Variants in CDIN1 observed in about 807,000 individuals in gnomAD.
CDIN1 encodes the protein CDAN1-interacting nuclease 1.
In CDIN1, 33 loss-of-function variants were observed where a neutral mutation model predicts 45.3. That is an observed-to-expected ratio of 0.73 (90% CI 0.55 to 0.97). The LOEUF (loss-of-function observed/expected upper bound fraction) is 0.97. CDIN1 is among the 50% of genes least tolerant of loss of function. CDIN1 has a pLI of 0.00. For synonymous variants in CDIN1, 118 were observed against 124.4 expected, an observed-to-expected ratio of 0.95 and a Z score of 0.34; for missense variants, 303 against 339.4, an observed-to-expected ratio of 0.89 and a Z score of 0.84.
chr15:36,715,714 T>C (rs746311807), intron 10 of CDIN1, among the ~76,000 whole-genome samples: 14 of 152,176 alleles, frequency 9.2e-5, no homozygotes, highest in Non-Finnish European at 1.8e-4. Context: ...GGGTAAAATA[T>C]GATTTGCTTT....
chr15:36,774,936 C>T (rs761711876), intron 10 of CDIN1, among the ~76,000 whole-genome samples: 3 of 152,114 alleles, frequency 2.0e-5, no homozygotes, highest in Non-Finnish European at 4.4e-5. Flanking sequence ...TGCTGAATTA[C>T]CTCAGGAATA....
At chr15:36,608,991 A>G (rs1354471278) in intron 1 of CDIN1, among the ~76,000 whole-genome samples, 2 of 149,470 alleles carry the variant, frequency 1.3e-5, no homozygotes, top group Non-Finnish European at 2.9e-5. Flanking sequence ...ATAGATAGAT[A>G]GATAGATAGA....
chr15:36,631,687 G>A (rs2039685430), intron 1 of CDIN1, among the ~76,000 whole-genome samples: 1 of 152,028 alleles, frequency 6.6e-6, no homozygotes, highest in East Asian at 1.9e-4. Flanking sequence ...CTACCTTTTA[G>A]CTATTATGTA....
At chr15:36,774,581 C>A (rs907229372) in intron 10 of CDIN1, among the ~76,000 whole-genome samples, 1 of 151,788 alleles carries the variant, frequency 6.6e-6, no homozygotes, top group African/African-American at 2.4e-5. Flanking sequence ...AAAGAAAATC[C>A]CAATGTGCTG....
At chr15:36,806,128 C>A (rs1318006145) in intron 10 of CDIN1, among the ~76,000 whole-genome samples, 1 of 152,168 alleles carries the variant, frequency 6.6e-6, no homozygotes, top group African/African-American at 2.4e-5. Flanking sequence ...TTTAGGGAAT[C>A]CTGGTTGTGA....
intron 3 of CDIN1, among the ~76,000 whole-genome samples, chr15:36,648,143 T>C (rs1220551271): frequency 1.3e-5 from 2 of 152,088 alleles, no homozygotes; most frequent in African/African-American, 4.8e-5. Context: ...CCGGCTGTGA[T>C]AGTATTAAAA....
At chr15:36,783,457 T>TA (rs772452405) in intron 10 of CDIN1, among the ~76,000 whole-genome samples, 16 of 151,178 alleles carry the variant, frequency 1.1e-4, no homozygotes, top group Non-Finnish European at 1.5e-4. Flanking sequence ...ATATGCCCAA[T>TA]ATTTAAGCAT....
Position 36,779,250 on chromosome 15 carries a change from T to C in CDIN1, c.717-29074T>C, listed in dbSNP as rs1158678979. ...ATCTATTCGCTATATAATTTTTAGA[T>C]GCACCTCCAGCCTTACTCCTCCTTC... On this transcript the variant is annotated intron_variant, in intron 10 of 10. Coordinates refer to ENST00000566621, the MANE Select transcript of CDIN1 (RefSeq NM_001321759.2). 3.3e-5 allele frequency among the ~76,000 whole-genome samples: 5 copies of C among 152,208 alleles called. No individual in the cohort carries two copies. In the East Asian group the frequency reaches 9.6e-4, roughly 29 times the overall value.
At chr15:36,764,506 A>C (rs1026280948) in intron 10 of CDIN1, among the ~76,000 whole-genome samples, 5 of 152,172 alleles carry the variant, frequency 3.3e-5, no homozygotes, top group Admixed American at 6.6e-5. Context: ...GTATGGAAAA[A>C]AGAATGCGTT....
At chr15:36,712,003 G>GTA (rs2043072693) in intron 10 of CDIN1, among the ~76,000 whole-genome samples, 1 of 152,144 alleles carries the variant, frequency 6.6e-6, no homozygotes, top group Admixed American at 6.6e-5. Context: ...CACAACTCAT[G>GTA]TATATTAGCA....
intron 10 of CDIN1, chr15:36,747,047 C>T: frequency 2.5e-6 from 1 of 397,800 alleles, no homozygotes; most frequent in Non-Finnish European, 4.4e-6. Context: ...ACATTTTCTA[C>T]CAGGAATCTT....
At position 36,579,630 on chromosome 15, in the gene CDIN1, T is replaced by C. The variant is rs908051799; in HGVS notation, c.-231T>C. 4.2e-6 allele frequency: 2 copies of C among 476,854 alleles called. No individual in the cohort carries two copies. The highest frequency in any genetic ancestry group is 7.5e-6 in the Non-Finnish European group (2 of 266,456). The allele number at this position is 476,854 out of a possible 1,614,324, so 29.5% of individuals were successfully genotyped here. ...CTCAGTAAGCCAAGCTAGGGCACTC[T>C]GGTGTACAGCCAGTCCCCGCCGCGG... On this transcript the variant is annotated 5_prime_UTR_variant, in exon 1 of 11. Transcript: ENST00000566621.
chr15:36,699,491 T>G (rs183445200), intron 8 of CDIN1, among the ~76,000 whole-genome samples: 1 of 152,328 alleles, frequency 6.6e-6, no homozygotes, highest in East Asian at 1.9e-4. Context: ...ATGTTTAATT[T>G]ATTTTGATCC....
intron 10 of CDIN1, among the ~76,000 whole-genome samples, chr15:36,717,074 T>C (rs1381351787): frequency 6.6e-6 from 1 of 152,210 alleles, no homozygotes. Flanking sequence ...CTCTCCAGCA[T>C]ACAAGTTTTA....
intron 10 of CDIN1, among the ~76,000 whole-genome samples, chr15:36,772,150 C>G (rs1433060562): frequency 6.6e-6 from 1 of 152,074 alleles, no homozygotes; most frequent in African/African-American, 2.4e-5. Context: ...GTAGAGTGTA[C>G]TGTCCCTTAT....
chr15:36,601,195 T>C (rs2038082359), intron 1 of CDIN1, among the ~76,000 whole-genome samples: 1 of 152,214 alleles, frequency 6.6e-6, no homozygotes. Flanking sequence ...TGGGATTTCA[T>C]TAGGGGTTGA....
chr15:36,788,084 ATATATATATATATATATATATATTTTTT>A (rs1345686906), intron 10 of CDIN1, among the ~76,000 whole-genome samples: 3 of 37,474 alleles, frequency 8.0e-5, no homozygotes, highest in African/African-American at 3.5e-4. Context: ...ACATATATAT[ATATATATATATATATATATATATTTTTT>A]TTTTTTTTTT....
intron 10 of CDIN1, among the ~76,000 whole-genome samples, chr15:36,807,439 C>T (rs988960822): frequency 3.3e-5 from 5 of 152,102 alleles, no homozygotes; most frequent in East Asian, 3.9e-4. Context: ...GTAGGAAAAA[C>T]GTGAAACTGA....
At position 36,722,303 on chromosome 15, in the gene CDIN1, ATCTCTCTC is replaced by A. The variant is rs5811928; in HGVS notation, c.716+12371_716+12378del. Among the ~76,000 whole-genome samples, 388 of 140,760 alleles carry A rather than the reference ATCTCTCTC, an allele frequency of 2.8e-3. 1 individual carries two copies. The highest frequency in any genetic ancestry group is 9.3e-3 in the East Asian group (45 of 4,856). The allele number at this position is 140,760 out of a possible 152,430, so 92.3% of individuals were successfully genotyped here. ...GTCCTTCAGGTTACTTTCTTTTGAGATCTCTCTCTCTCTCTCTCTCTCTCTCTCTCTCT... is the reference window on the plus strand; with the variant it reads ...GTCCTTCAGGTTACTTTCTTTTGAGATCTCTCTCTCTCTCTCTCTCTCTCT... On this transcript the variant is annotated intron_variant, in intron 10 of 10. Coordinates refer to ENST00000566621, the MANE Select transcript of CDIN1 (RefSeq NM_001321759.2).
Sources: gnomAD v4.1 joint callset for allele counts (sites outside exome capture counted in the v4.1 genomes callset) on GRCh38, gnomAD v4.1.1 for gene constraint, MANE v1.5 for transcripts, NCBI Gene and HGNC (gene_info 2026-07-23, HGNC 2026-07-21) for gene names.